Variants in FUT8 observed in about 807,000 individuals in gnomAD.
The protein encoded by FUT8 is alpha-(1,6)-fucosyltransferase.
In FUT8, 29 loss-of-function variants were observed where a neutral mutation model predicts 71.3. The observed-to-expected ratio is 0.41, with a 90% CI of 0.30 to 0.55. FUT8 has a LOEUF of 0.55. Among genes scored for constraint, FUT8 ranks in the 20% least tolerant of loss-of-function variants. FUT8 has a pLI of 0.34. For synonymous variants in FUT8, 254 were observed against 239.3 expected (o/e 1.06, Z -0.57); for missense variants, 544 against 702.1 (o/e 0.77, Z 2.55).
intron 2 of FUT8, among the ~76,000 whole-genome samples, chr14:65,492,303 A>G (rs559289741): frequency 4.9e-4 from 75 of 152,300 alleles, no homozygotes; most frequent in Non-Finnish European, 9.6e-4. Context: ...TTTTTGAGCT[A>G]TAACAAGTGG....
At chr14:65,548,947 G>A (rs1467791851) in intron 2 of FUT8, among the ~76,000 whole-genome samples, 4 of 152,178 alleles carry the variant, frequency 2.6e-5, no homozygotes, top group African/African-American at 4.8e-5. Flanking sequence ...GAAGATATAC[G>A]GATACAAAAT....
At chr14:65,403,160 A>G in the FUT8 span, among the ~76,000 whole-genome samples, 3,858 of 152,316 alleles carry the variant, frequency 0.025, 71 homozygotes, top group Non-Finnish European at 0.041. Flanking sequence ...GCTAATATTT[A>G]TGGTGTACTT....
At chr14:65,496,971 C>T (rs1439227416) in intron 2 of FUT8, among the ~76,000 whole-genome samples, 1 of 152,098 alleles carries the variant, frequency 6.6e-6, no homozygotes, top group African/African-American at 2.4e-5. Flanking sequence ...TCAGTTTCCT[C>T]AACTGCAAAT....
chr14:65,552,911 G>A (rs1459117926), intron 2 of FUT8, among the ~76,000 whole-genome samples: 1 of 152,160 alleles, frequency 6.6e-6, no homozygotes, highest in Non-Finnish European at 1.5e-5. Context: ...CTAGACACAG[G>A]TAGCTATTGA....
intron 3 of FUT8, among the ~76,000 whole-genome samples, chr14:65,566,495 G>C (rs1441269243): frequency 6.6e-6 from 1 of 151,968 alleles, no homozygotes; most frequent in African/African-American, 2.4e-5. Context: ...GTATAGACCC[G>C]ATTGATAGAT....
chr14:65,632,364 C>G (rs555729113), intron 6 of FUT8, among the ~76,000 whole-genome samples: 1 of 152,196 alleles, frequency 6.6e-6, no homozygotes, highest in Non-Finnish European at 1.5e-5. Context: ...GTTCTCTGAT[C>G]ACCGCATCCA....
At chr14:65,361,817 A>G in the FUT8 span, among the ~76,000 whole-genome samples, 1 of 151,950 alleles carries the variant, frequency 6.6e-6, no homozygotes, top group East Asian at 1.9e-4. Context: ...CAAATAAATA[A>G]ATAAATAAAT....
chr14:65,658,285 AAAAT>A, intron 6 of FUT8, among the ~76,000 whole-genome samples: 1 of 152,312 alleles, frequency 6.6e-6, no homozygotes. Flanking sequence ...CAGAATGACT[AAAAT>A]AAAAAATGCC....
chr14:65,678,418 C>G (rs74058556), intron 7 of FUT8, among the ~76,000 whole-genome samples: 1 of 152,198 alleles, frequency 6.6e-6, no homozygotes, highest in Non-Finnish European at 1.5e-5. Flanking sequence ...TGCTCCTAAT[C>G]AAGGAGCTGA....
intron 3 of FUT8, among the ~76,000 whole-genome samples, chr14:65,591,840 CTT>C (rs372894220): frequency 4.5e-4 from 54 of 119,912 alleles, no homozygotes; most frequent in Non-Finnish European, 5.2e-4. Flanking sequence ...TTGAAGCAGG[CTT>C]TTTTTTTTTT....
intron 6 of FUT8, among the ~76,000 whole-genome samples, chr14:65,645,184 G>C (rs774035427): frequency 9.9e-5 from 15 of 152,072 alleles, no homozygotes; most frequent in Non-Finnish European, 1.6e-4. Flanking sequence ...AATTCTAGTT[G>C]GTAAATTCAC....
chr14:65,564,210 T>A (rs1020420446), intron 3 of FUT8, among the ~76,000 whole-genome samples: 3 of 152,068 alleles, frequency 2.0e-5, no homozygotes, highest in Non-Finnish European at 2.9e-5. Flanking sequence ...TTGCTATGTC[T>A]TTTTCATATA....
chr14:65,490,899 C>T (rs1220953524), intron 2 of FUT8, among the ~76,000 whole-genome samples: 1 of 152,112 alleles, frequency 6.6e-6, no homozygotes, highest in Non-Finnish European at 1.5e-5. Flanking sequence ...AATAACATAT[C>T]TTGGATTCTC....
intron 2 of FUT8, among the ~76,000 whole-genome samples, chr14:65,515,377 T>G (rs1882641607): frequency 6.6e-6 from 1 of 152,132 alleles, no homozygotes; most frequent in Non-Finnish European, 1.5e-5. Context: ...AAGGATTTAT[T>G]TACTTGAAAT....
intron 2 of FUT8, among the ~76,000 whole-genome samples, chr14:65,456,957 T>A (rs551734105): frequency 2.0e-5 from 3 of 152,298 alleles, no homozygotes; most frequent in East Asian, 3.9e-4. Flanking sequence ...ATTTGATACC[T>A]TTATGTAATA....
At chr14:65,416,374 A>G (rs1311036109) in intron 1 of FUT8, among the ~76,000 whole-genome samples, 3 of 151,466 alleles carry the variant, frequency 2.0e-5, no homozygotes, top group African/African-American at 7.3e-5. Flanking sequence ...GTTGGCCTTG[A>G]ACTCCTGGGC....
intron 2 of FUT8, among the ~76,000 whole-genome samples, chr14:65,533,279 C>T (rs1884075621): frequency 6.6e-6 from 1 of 152,070 alleles, no homozygotes; most frequent in Admixed American, 6.6e-5. Flanking sequence ...TTGATTTTTC[C>T]TGTCCACGAT....
At chr14:65,405,026 CAAG>C in the FUT8 span, among the ~76,000 whole-genome samples, 2 of 152,172 alleles carry the variant, frequency 1.3e-5, no homozygotes, top group African/African-American at 2.4e-5. Context: ...ACAAAGTTGT[CAAG>C]GAGCCAGCTC....
intron 7 of FUT8, among the ~76,000 whole-genome samples, chr14:65,673,942 T>C (rs1332847779): frequency 6.6e-6 from 1 of 152,188 alleles, no homozygotes; most frequent in Non-Finnish European, 1.5e-5. Context: ...CAAATGAAAT[T>C]ATACTTTCAG....
Sources: gnomAD v4.1 joint callset for allele counts (sites outside exome capture counted in the v4.1 genomes callset) on GRCh38, gnomAD v4.1.1 for gene constraint, MANE v1.5 for transcripts, NCBI Gene and HGNC (gene_info 2026-07-23, HGNC 2026-07-21) for gene names.